The following GLDN variants were observed in gnomAD, a reference collection of about 807,000 sequenced individuals.
GLDN encodes the protein collomin.
Under a neutral mutation model 56.5 loss-of-function variants are expected in GLDN, and 47 were observed. The observed-to-expected ratio is 0.83, with a 90% CI of 0.66 to 1.06. The LOEUF is 1.06. GLDN is among the 50% of genes least tolerant of loss of function. The pLI, the probability that GLDN is intolerant of heterozygous loss-of-function variation, is 0.00. For synonymous variants in GLDN, 332 were observed against 278.8 expected, an observed-to-expected ratio of 1.19 and a Z score of -1.90; for missense variants, 782 against 714.3, an observed-to-expected ratio of 1.09 and a Z score of -1.08.
At chr15:51,388,745 C>A (rs569272112) in intron 4 of GLDN, among the ~76,000 whole-genome samples, 3 of 152,202 alleles carry the variant, frequency 2.0e-5, no homozygotes, top group African/African-American at 7.2e-5. Context: ...ACTCAATTTG[C>A]GTGCTCAAGG....
chr15:51,400,034 G>C (rs1040145843), intron 6 of GLDN, among the ~76,000 whole-genome samples, 158 bp from the exon 7 acceptor site: 2 of 152,194 alleles, frequency 1.3e-5, no homozygotes, highest in African/African-American at 4.8e-5. Context: ...ATTTGGAGTT[G>C]CTTGAAAGCA....
Position 51,342,161 on chromosome 15 carries a change from AG to A in GLDN, c.363+117del, listed in dbSNP as rs2036899016. 8.9e-6 allele frequency: 12 copies of A among 1,346,256 alleles called. No homozygotes were observed. In the Admixed American group the frequency reaches 1.1e-4, roughly 12 times the overall value. 83.4% of individuals were successfully genotyped at this position (1,346,256 alleles called of 1,614,324 possible). A position where few individuals can be genotyped will look rare whatever the true frequency, so the allele number is the denominator to read the frequency against. On this transcript the variant is annotated intron_variant, in intron 1 of 9. Transcript: ENST00000335449. The stretch of plus-strand genomic sequence containing the variant: ...GGCCAGGCTGCGAGGTGCTGCGGAG[AG>A]GGCTGTGGGCATGAGTAGCTGGGGA...
chr15:51,359,609 G>A (rs2445779), intron 1 of GLDN, among the ~76,000 whole-genome samples: 80,209 of 152,020 alleles, frequency 0.53, 23,203 homozygotes, highest in African/African-American at 0.76. Context: ...GAAGTACTCA[G>A]TGATGTCCGC....
rs529357071 is a variant in GLDN, at chr15:51,404,767, G to A, written c.*13G>A. ...CTTAAATCAGTGATGTGCTGCATTCGGCTCCCTTCAGCAAATTTCAGGGGT... is the reference window on the plus strand; with the variant it reads ...CTTAAATCAGTGATGTGCTGCATTCAGCTCCCTTCAGCAAATTTCAGGGGT... On this transcript the variant is annotated 3_prime_UTR_variant, in exon 10 of 10. Coordinates refer to ENST00000335449, the MANE Select transcript of GLDN (RefSeq NM_181789.4). The A allele has an allele frequency of 1.4e-4, 198 of 1,394,838 alleles. 3 individuals are homozygous for A. The South Asian group carries it at 2.2e-3, about 15-fold the overall frequency. The allele number at this position is 1,394,838 out of a possible 1,614,324, so 86.4% of individuals were successfully genotyped here.
intron 1 of GLDN, among the ~76,000 whole-genome samples, chr15:51,357,222 T>C (rs2037202406): frequency 6.6e-6 from 1 of 152,192 alleles, no homozygotes; most frequent in South Asian, 2.1e-4. Flanking sequence ...ATCTTGCCAC[T>C]GCACACTCTT....
At chr15:51,395,079 A>T in intron 5 of GLDN, 98 bp downstream of exon 5, 1 of 1,235,800 alleles carries the variant, frequency 8.1e-7, no homozygotes, top group Non-Finnish European at 1.1e-6. Context: ...TCTCTCCTTT[A>T]TGGCCTTATG....
chr15:51,352,871 C>T (rs868617491), intron 1 of GLDN, among the ~76,000 whole-genome samples: 5 of 152,262 alleles, frequency 3.3e-5, no homozygotes, highest in South Asian at 2.1e-4. Flanking sequence ...TGTTTAACAA[C>T]GTTGATATCA....
chr15:51,406,107 G>A lies in GLDN; in HGVS notation c.*1353G>A, dbSNP rs1227316667. 6.6e-6 allele frequency: 1 copy of A among 152,192 alleles called. No individual in the cohort carries two copies. Among genetic ancestry groups the A allele is most frequent in the East Asian group, 1.9e-4 (1 of 5,188 alleles). The allele number at this position is 152,192 out of a possible 1,614,324, so 9.4% of individuals were successfully genotyped here. A position where few individuals can be genotyped will look rare whatever the true frequency, so the allele number is the denominator to read the frequency against. On this transcript the variant is annotated 3_prime_UTR_variant, in exon 10 of 10. Transcript: ENST00000335449. ...ACTTGCGTTTTGAGTAGAGGGGAAGGCTGATAACGGCGTAAGATGAAGTGG... is the reference window on the plus strand; with the variant it reads ...ACTTGCGTTTTGAGTAGAGGGGAAGACTGATAACGGCGTAAGATGAAGTGG...
chr15:51,400,109 T>C, intron 6 of GLDN, 83 bp from the exon 7 acceptor site: 1 of 1,146,666 alleles, frequency 8.7e-7, no homozygotes, highest in African/African-American at 1.5e-5. Flanking sequence ...TGGAATGAGG[T>C]GGGGAAGAGC....
intron 1 of GLDN, among the ~76,000 whole-genome samples, chr15:51,372,510 G>A (rs1291998556): frequency 6.6e-6 from 1 of 152,066 alleles, no homozygotes; most frequent in Non-Finnish European, 1.5e-5. Context: ...TGAGCTCTCG[G>A]GGCTACTGCT....
chr15:51,404,908 C>T lies in GLDN; in HGVS notation c.*154C>T, dbSNP rs919327364. The T allele has an allele frequency of 1.1e-4, 70 of 624,544 alleles. 1 individual carries two copies. In the Middle Eastern group the frequency reaches 1.9e-3, roughly 17 times the overall value. 38.7% of individuals were successfully genotyped at this position (624,544 alleles called of 1,614,324 possible). On this transcript the variant is annotated 3_prime_UTR_variant, in exon 10 of 10. Coordinates refer to ENST00000335449, the MANE Select transcript of GLDN (RefSeq NM_181789.4). ...CAGTGAGCCCCGCTTAGTGAAATAG[C>T]AACAGATTGGAAGTTGAAATGGCTG...
chr15:51,377,966 T>G (rs2037671703), intron 2 of GLDN, among the ~76,000 whole-genome samples: 1 of 152,098 alleles, frequency 6.6e-6, no homozygotes, highest in South Asian at 2.1e-4. Context: ...ACCTGAAGCT[T>G]TTGCTGGATC....
chr15:51,411,561 G>A (rs2038465322), downstream of GLDN, among the ~76,000 whole-genome samples: 1 of 152,210 alleles, frequency 6.6e-6, no homozygotes, highest in Admixed American at 6.5e-5. Context: ...AGCTTTGTGG[G>A]CCACACGGTC....
chr15:51,394,955 A>C lies in GLDN; in HGVS notation c.662A>C (p.Asp221Ala), dbSNP rs1441410027. ...GQKGEKGDKG[D>A]VSNDVLLAGA... ...AAGGGAGAAAAGGGTGACAAAGGAG[A>C]TGTGTCCAACGACGTGCTCCTGGCA... is the stretch of plus-strand genomic sequence containing the variant. The change falls in exon 5 of 10, where the codon GAT (aspartate) becomes GCT (alanine). Residue 221 changes from aspartate (D) to alanine (A), a missense_variant. Coordinates refer to ENST00000335449, the MANE Select transcript of GLDN (RefSeq NM_181789.4). 1 of 1,608,906 alleles carries C rather than the reference A, an allele frequency of 6.2e-7. No homozygotes were observed. Among genetic ancestry groups the C allele is most frequent in the Non-Finnish European group, 8.5e-7 (1 of 1,178,004 alleles).
chr15:51,388,012 C>A (rs1325765929), intron 4 of GLDN, among the ~76,000 whole-genome samples: 1 of 152,156 alleles, frequency 6.6e-6, no homozygotes, highest in African/African-American at 2.4e-5. Flanking sequence ...ACGAGTACTG[C>A]TAGGGACCCA....
intron 4 of GLDN, among the ~76,000 whole-genome samples, chr15:51,389,695 C>T (rs572629838): frequency 6.6e-6 from 1 of 152,250 alleles, no homozygotes; most frequent in African/African-American, 2.4e-5. Flanking sequence ...ATAAGGAGGG[C>T]TTTCATTTCT....
intron 8 of GLDN, among the ~76,000 whole-genome samples, chr15:51,400,879 A>G (rs1027618677): frequency 6.6e-6 from 1 of 152,188 alleles, no homozygotes; most frequent in Non-Finnish European, 1.5e-5. Flanking sequence ...CCGCCCTCCC[A>G]GAAGAGTACT....
chr15:51,347,400 A>T (rs2036997050), intron 1 of GLDN, among the ~76,000 whole-genome samples: 1 of 152,242 alleles, frequency 6.6e-6, no homozygotes, highest in South Asian at 2.1e-4. Context: ...TTAAAACATT[A>T]TAAGATTTTT....
intron 6 of GLDN, 141 bp downstream of exon 6, chr15:51,397,739 C>T (rs1555405774): frequency 8.8e-7 from 1 of 1,130,350 alleles, no homozygotes; most frequent in Non-Finnish European, 1.2e-6. Context: ...TTCTTGCAAA[C>T]TTCTCACAGG....
Sources: gnomAD v4.1 joint callset for allele counts (sites outside exome capture counted in the v4.1 genomes callset) on GRCh38, gnomAD v4.1.1 for gene constraint, MANE v1.5 for transcripts, NCBI Gene and HGNC (gene_info 2026-07-23, HGNC 2026-07-21) for gene names.